The following AP3B1 variants were observed in gnomAD, a reference collection of about 807,000 sequenced individuals.
The protein encoded by AP3B1 is adaptor related protein complex 3 subunit beta 1.
Under a neutral mutation model 132.5 loss-of-function variants are expected in AP3B1, and 61 were observed. The observed-to-expected ratio is 0.46, with a 90% CI of 0.37 to 0.57. AP3B1 has a LOEUF of 0.57. Ranked by LOEUF, AP3B1 falls within the 20% of genes least tolerant of loss-of-function variation. AP3B1 has a pLI of 0.00. For synonymous variants in AP3B1, 388 were observed against 438.3 expected, an observed-to-expected ratio of 0.89 and a Z score of 1.43; for missense variants, 1,120 against 1,289.4, an observed-to-expected ratio of 0.87 and a Z score of 2.01.
chr5:78,083,199 T>C (rs548953978), intron 22 of AP3B1, among the ~76,000 whole-genome samples: 1 of 152,306 alleles, frequency 6.6e-6, no homozygotes, highest in African/African-American at 2.4e-5. Flanking sequence ...TAAATAAATA[T>C]ATTTTCTTAC....
intron 15 of AP3B1, among the ~76,000 whole-genome samples, chr5:78,131,914 C>T (rs1483546974): frequency 6.6e-6 from 1 of 152,040 alleles, no homozygotes; most frequent in Non-Finnish European, 1.5e-5. Flanking sequence ...ATTTGTGAAC[C>T]AAAACTTAAC....
intron 15 of AP3B1, among the ~76,000 whole-genome samples, chr5:78,139,038 G>GAAA (rs11288219): frequency 2.1e-5 from 2 of 93,300 alleles, no homozygotes; most frequent in Non-Finnish European, 4.5e-5. Flanking sequence ...TAGAGATCAA[G>GAAA]AAAAAAAAAA....
At chr5:78,280,338 ATTACT>A (rs1748996586) in intron 1 of AP3B1, among the ~76,000 whole-genome samples, 1 of 152,220 alleles carries the variant, frequency 6.6e-6, no homozygotes, top group South Asian at 2.1e-4. Flanking sequence ...TTTCACTGAC[ATTACT>A]TTGACTGTAT....
chr5:78,203,330 C>T (rs903638227), intron 7 of AP3B1, among the ~76,000 whole-genome samples: 15 of 152,142 alleles, frequency 9.9e-5, no homozygotes, highest in Non-Finnish European at 1.9e-4. Context: ...TGGAGGAAGG[C>T]ACCTCTTAAC....
intron 24 of AP3B1, among the ~76,000 whole-genome samples, chr5:78,032,004 T>C (rs1040749931): frequency 1.3e-5 from 2 of 152,184 alleles, no homozygotes; most frequent in Non-Finnish European, 2.9e-5. Flanking sequence ...TTTAGACAGA[T>C]ATATTTATGT....
intron 7 of AP3B1, among the ~76,000 whole-genome samples, chr5:78,212,286 AGG>A (rs1745773065): frequency 6.6e-6 from 1 of 152,224 alleles, no homozygotes; most frequent in South Asian, 2.1e-4. Context: ...ATCCCAAAAA[AGG>A]AAAACAAAGA....
chr5:78,279,832 A>G (rs894876636), intron 1 of AP3B1, among the ~76,000 whole-genome samples: 17 of 146,624 alleles, frequency 1.2e-4, no homozygotes, highest in Admixed American at 4.1e-4. Context: ...ATAGGTGTGT[A>G]TATATATATA....
intron 3 of AP3B1, among the ~76,000 whole-genome samples, chr5:78,228,582 A>G (rs1360892698): frequency 6.6e-6 from 1 of 152,236 alleles, no homozygotes; most frequent in Non-Finnish European, 1.5e-5. Context: ...GAAGCCAGGC[A>G]TGGCGTACAT....
chr5:78,179,255 G>A (rs1744271813), intron 8 of AP3B1, among the ~76,000 whole-genome samples: 1 of 152,172 alleles, frequency 6.6e-6, no homozygotes, highest in African/African-American at 2.4e-5. Flanking sequence ...CTTACAGATA[G>A]TAAATCCTTT....
chr5:78,170,995 T>C (rs1322545066), intron 11 of AP3B1, among the ~76,000 whole-genome samples: 2 of 152,208 alleles, frequency 1.3e-5, no homozygotes, highest in African/African-American at 4.8e-5. Flanking sequence ...TAGGGAATCC[T>C]TTCCCTATTG....
chr5:78,274,031 G>GAA (rs1748667185), intron 1 of AP3B1, among the ~76,000 whole-genome samples: 1 of 97,666 alleles, frequency 1.0e-5, no homozygotes, highest in African/African-American at 3.5e-5. Context: ...AAGAAAAAAA[G>GAA]GAAAAAAAAA....
chr5:78,133,302 T>C (rs867635973), intron 15 of AP3B1, among the ~76,000 whole-genome samples: 2 of 152,346 alleles, frequency 1.3e-5, no homozygotes, highest in Middle Eastern at 3.4e-3. Context: ...AAGTTAGTTA[T>C]GTTACATCTA....
intron 21 of AP3B1, among the ~76,000 whole-genome samples, chr5:78,090,434 G>A (rs1011074412): frequency 3.3e-5 from 5 of 152,168 alleles, no homozygotes; most frequent in African/African-American, 9.7e-5. Flanking sequence ...CTTGTTCTAC[G>A]TCTTGGAGCC....
rs534324569 is a variant in AP3B1, at chr5:78,170,501, T to C, written c.1168-4829A>G. ...GTGGTTTTGATTTGCATTTCTCTGATGACCAATGAGGATGAGCATTTTTTC... is the reference window on the plus strand; with the variant it reads ...GTGGTTTTGATTTGCATTTCTCTGACGACCAATGAGGATGAGCATTTTTTC... On this transcript the variant is annotated intron_variant, in intron 11 of 26. Transcript: ENST00000255194. Among the ~76,000 whole-genome samples the C allele has an allele frequency of 1.1e-4, 16 of 152,374 alleles. No homozygotes were observed. In the East Asian group the frequency reaches 2.9e-3, roughly 27 times the overall value.
intron 7 of AP3B1, among the ~76,000 whole-genome samples, chr5:78,210,838 T>C (rs1256366433): frequency 6.6e-6 from 1 of 152,130 alleles, no homozygotes; most frequent in Non-Finnish European, 1.5e-5. Context: ...ATAATATTTA[T>C]TTTTTTAAAT....
At chr5:78,294,012 A>AGC (rs1749643724) in intron 1 of AP3B1, among the ~76,000 whole-genome samples, 2 of 152,134 alleles carry the variant, frequency 1.3e-5, no homozygotes. Flanking sequence ...CGGGGTCACA[A>AGC]AATAACTTCC....
chr5:78,182,680 T>C (rs1262203430), intron 7 of AP3B1, among the ~76,000 whole-genome samples: 1 of 152,098 alleles, frequency 6.6e-6, no homozygotes, highest in Non-Finnish European at 1.5e-5. Context: ...TAGCAAGATA[T>C]AAAACTTTTA....
At chr5:78,188,375 G>A (rs988755011) in intron 7 of AP3B1, among the ~76,000 whole-genome samples, 8 of 151,976 alleles carry the variant, frequency 5.3e-5, no homozygotes, top group African/African-American at 1.9e-4. Flanking sequence ...AGAAACTTAA[G>A]CAAATTTACA....
At chr5:78,114,307 A>C (rs1014494675) in intron 18 of AP3B1, among the ~76,000 whole-genome samples, 22 of 152,244 alleles carry the variant, frequency 1.4e-4, no homozygotes, top group African/African-American at 4.3e-4. Context: ...TCTGCTTGTA[A>C]TGGGAAATTC....
Sources: gnomAD v4.1 joint callset for allele counts (sites outside exome capture counted in the v4.1 genomes callset) on GRCh38, gnomAD v4.1.1 for gene constraint, MANE v1.5 for transcripts, NCBI Gene and HGNC (gene_info 2026-07-23, HGNC 2026-07-21) for gene names.